EDNRB: variants seen among roughly 807,000 people sequenced by gnomAD.
The protein encoded by EDNRB is Hirschsprung disease 2.
A neutral mutation model predicts 46.4 loss-of-function variants in EDNRB; 18 were observed. That is an observed-to-expected ratio of 0.39 (90% CI 0.27 to 0.57). The LOEUF (loss-of-function observed/expected upper bound fraction) is 0.57. Ranked by LOEUF, EDNRB falls within the 20% of genes least tolerant of loss-of-function variation. The probability of loss-of-function intolerance (pLI) is 0.61; values close to 1 mark genes in which losing one functional copy is unlikely to be tolerated. For missense variants in EDNRB, 434 were observed against 537.5 expected, an observed-to-expected ratio of 0.81 and a Z score of 1.90; for synonymous variants, 213 against 204.9, an observed-to-expected ratio of 1.04 and a Z score of -0.34.
At chr13:77,909,044 GCTGA>G (rs1257794710) in intron 1 of EDNRB, among the ~76,000 whole-genome samples, 1 of 151,872 alleles carries the variant, frequency 6.6e-6, no homozygotes, top group Non-Finnish European at 1.5e-5. Flanking sequence ...CTATGTTTGT[GCTGA>G]CCCATTTTAC....
chr13:77,963,408 G>C (rs900873064), intron 1 of EDNRB, among the ~76,000 whole-genome samples: 1 of 152,114 alleles, frequency 6.6e-6, no homozygotes, highest in African/African-American at 2.4e-5. Context: ...CATGGTACTG[G>C]TACCAAAACA....
At chr13:77,909,289 A>C (rs1441992562) in intron 1 of EDNRB, among the ~76,000 whole-genome samples, 1 of 152,042 alleles carries the variant, frequency 6.6e-6, no homozygotes, top group Non-Finnish European at 1.5e-5. Flanking sequence ...TATAGTTTAA[A>C]ATTTTTCTAA....
At chr13:77,942,843 T>C (rs117079001) in intron 1 of EDNRB, among the ~76,000 whole-genome samples, 2,205 of 152,264 alleles carry the variant, frequency 0.014, 46 homozygotes, top group East Asian at 0.024. Context: ...TTTTCTAAAT[T>C]ATATAGGCTT....
chr13:77,933,545 A>C (rs571687405), intron 1 of EDNRB, among the ~76,000 whole-genome samples: 3 of 152,198 alleles, frequency 2.0e-5, no homozygotes, highest in Non-Finnish European at 4.4e-5. Context: ...GTGGAATGTC[A>C]TCAGTTAAGG....
chr13:77,902,621 C>G (rs537146244), intron 3 of EDNRB, among the ~76,000 whole-genome samples: 1 of 151,896 alleles, frequency 6.6e-6, no homozygotes. Context: ...AGCTCGTACC[C>G]CTGCTCTTTT....
intron 1 of EDNRB, among the ~76,000 whole-genome samples, chr13:77,974,585 T>A (rs565193635): frequency 1.4e-5 from 2 of 146,328 alleles, no homozygotes; most frequent in Admixed American, 7.0e-5. Context: ...TCTCTGTCTT[T>A]CTCTTCTCTG....
upstream of EDNRB, among the ~76,000 whole-genome samples, chr13:77,923,736 A>ACTTT (rs1385113966): frequency 6.6e-6 from 1 of 151,940 alleles, no homozygotes; most frequent in Non-Finnish European, 1.5e-5. Flanking sequence ...AGAAAGAGAA[A>ACTTT]CTTGGATCTT....
chr13:77,906,675 T>G (rs1879297252), intron 1 of EDNRB, among the ~76,000 whole-genome samples: 1 of 151,996 alleles, frequency 6.6e-6, no homozygotes, highest in Non-Finnish European at 1.5e-5. Flanking sequence ...ATCCTCCAGC[T>G]TTAGACAAAC....
chr13:77,934,389 T>C (rs927564719), intron 1 of EDNRB, among the ~76,000 whole-genome samples: 3 of 152,168 alleles, frequency 2.0e-5, no homozygotes, highest in Non-Finnish European at 4.4e-5. Flanking sequence ...ATATAAACGT[T>C]TCACTGGATA....
intron 1 of EDNRB, among the ~76,000 whole-genome samples, chr13:77,963,189 T>C (rs1434023963): frequency 6.6e-6 from 1 of 152,220 alleles, no homozygotes; most frequent in Non-Finnish European, 1.5e-5. Context: ...AAAATGTCCA[T>C]ACTGCCCAAG....
rs117021451 is a variant in EDNRB, at chr13:77,956,238, C to A, written c.-52+19109G>T. 3.3e-5 allele frequency among the ~76,000 whole-genome samples: 5 copies of A among 152,138 alleles called. No homozygotes were observed. The South Asian group carries it at 8.3e-4, about 25-fold the overall frequency. On this transcript the variant is annotated intron_variant, in intron 1 of 7. Transcript: ENST00000646948. ...ACACTTTTCAGTGAATATGTTCACC[C>A]TCTTGGTTAGATTTATTCCTAACTT...
chr13:77,910,724 T>G (rs1879524378), intron 1 of EDNRB, among the ~76,000 whole-genome samples: 1 of 151,954 alleles, frequency 6.6e-6, no homozygotes, highest in Admixed American at 6.6e-5. Flanking sequence ...TCTCAATAGA[T>G]TACAATAAGT....
At chr13:77,962,695 C>T (rs776409300) in intron 1 of EDNRB, among the ~76,000 whole-genome samples, 2 of 152,116 alleles carry the variant, frequency 1.3e-5, no homozygotes, top group Admixed American at 6.6e-5. Flanking sequence ...GGAAGCATTC[C>T]GTTTGAAAAC....
chr13:77,954,726 C>T (rs1036117388), intron 1 of EDNRB, among the ~76,000 whole-genome samples: 7 of 151,990 alleles, frequency 4.6e-5, no homozygotes, highest in South Asian at 2.1e-4. Flanking sequence ...AGGCTGGCCT[C>T]GAACTCCTGA....
rs1879949954 is a variant in EDNRB at position 77,918,687 on chromosome 13, C to T, written c.-114G>A. 3.5e-6 allele frequency: 5 copies of T among 1,438,420 alleles called. No homozygotes were observed. The highest frequency in any genetic ancestry group is 2.5e-5 in the East Asian group (1 of 39,588). The allele number at this position is 1,438,420 out of a possible 1,614,324, so 89.1% of individuals were successfully genotyped here. A position where few individuals can be genotyped will look rare whatever the true frequency, so the allele number is the denominator to read the frequency against. ...GTCAGCTGCCCGAGCCAAGTCGCTG[C>T]AAACGCTAATACCGCCCGCAGCCTC... On this transcript the variant is annotated 5_prime_UTR_variant, in exon 1 of 7. Transcript: ENST00000646607. The surrounding 1 kb of genome is among the most constrained non-coding windows in gnomAD (Gnocchi z 4.5).
In EDNRB at chr13:77,903,266, C is replaced by A; in HGVS notation, c.691G>T (p.Val231Phe). 6.2e-7 allele frequency: 1 copy of A among 1,612,998 alleles called. No homozygotes were observed. Among genetic ancestry groups the A allele is most frequent in the Non-Finnish European group, 8.5e-7 (1 of 1,179,386 alleles). Reference protein sequence around the residue: ...EIVLIWVVSVVLAVPEAIGFD... With the variant: ...EIVLIWVVSVFLAVPEAIGFD... ...CCTATGGCTTCAGGGACAGCCAGAACCACAGAGACCACCCAAATCAAAACA... is the reference window on the plus strand; with the variant it reads ...CCTATGGCTTCAGGGACAGCCAGAAACACAGAGACCACCCAAATCAAAACA... The change falls in exon 3 of 7, where the codon GTT becomes TTT. Residue 231 changes from valine (V) to phenylalanine (F), a missense_variant. Physicochemically the swap from Val to Phe is conservative, Grantham distance 50. Coordinates refer to ENST00000646607, the MANE Select transcript of EDNRB (RefSeq NM_001122659.3).
chr13:77,936,693 G>T (rs1254304002), intron 1 of EDNRB, among the ~76,000 whole-genome samples: 1 of 152,236 alleles, frequency 6.6e-6, no homozygotes, highest in Non-Finnish European at 1.5e-5. Context: ...CTGATTTTCA[G>T]TGGGGTCCTG....
Position 77,958,096 on chromosome 13 carries a change from G to A in EDNRB, c.-52+17251C>T, listed in dbSNP as rs185266765. On this transcript the variant is annotated intron_variant, in intron 1 of 7. Coordinates refer to the EDNRB transcript ENST00000646948. ...AGGAAGTGTGAATGTGGAGTAATGAGACTCAACCCATTACTCTATATTAGA... is the reference window on the plus strand; with the variant it reads ...AGGAAGTGTGAATGTGGAGTAATGAAACTCAACCCATTACTCTATATTAGA... 2.3e-3 allele frequency among the ~76,000 whole-genome samples: 356 copies of A among 152,270 alleles called. 2 individuals are homozygous for A. The highest frequency in any genetic ancestry group is 6.8e-3 in the Middle Eastern group (2 of 294).
chr13:77,910,935 A>T (rs1334439639), intron 1 of EDNRB, among the ~76,000 whole-genome samples: 1 of 152,084 alleles, frequency 6.6e-6, no homozygotes, highest in Non-Finnish European at 1.5e-5. Flanking sequence ...ACAATTTTTT[A>T]AAAATATTTC....
Sources: allele counts gnomAD v4.1 joint callset (sites outside exome capture counted in the v4.1 genomes callset), GRCh38; gene constraint gnomAD v4.1.1; non-coding constraint Gnocchi (gnomAD v3.1); transcripts MANE v1.5; gene names NCBI Gene and HGNC (gene_info 2026-07-23, HGNC 2026-07-21).